LYPD6B: variants seen among roughly 807,000 people sequenced by gnomAD.
The protein encoded by LYPD6B is ly6/PLAUR domain-containing protein 6B.
LYPD6B carries 17 observed loss-of-function variants against 22.8 expected under a neutral mutation model. That is an observed-to-expected ratio of 0.75 (90% CI 0.51 to 1.12). The LOEUF is 1.12. Ranked by LOEUF, LYPD6B falls within the 50% of genes most tolerant of loss-of-function variation. The pLI, the probability that LYPD6B is intolerant of heterozygous loss-of-function variation, is 0.00. For synonymous variants in LYPD6B, 106 were observed against 91.6 expected, an observed-to-expected ratio of 1.16 and a Z score of -0.90; for missense variants, 221 against 258.3, an observed-to-expected ratio of 0.86 and a Z score of 0.99.
chr2:149,171,368 A>G (rs1169818417), intron 3 of LYPD6B, among the ~76,000 whole-genome samples: 1 of 149,648 alleles, frequency 6.7e-6, no homozygotes, highest in African/African-American at 2.4e-5. Context: ...CAAAAAACAA[A>G]TAACATATTT....
intron 1 of LYPD6B, among the ~76,000 whole-genome samples, chr2:149,108,048 G>C (rs961092178): frequency 1.3e-5 from 2 of 152,142 alleles, no homozygotes; most frequent in Non-Finnish European, 2.9e-5. Context: ...CCCATGTGTT[G>C]TGAGAGGGAC....
chr2:149,196,033 C>A (rs183921648), intron 3 of LYPD6B, among the ~76,000 whole-genome samples: 51 of 152,298 alleles, frequency 3.3e-4, no homozygotes, highest in African/African-American at 1.2e-3. Context: ...GGACCATGAA[C>A]CGTATCGTGA....
At chr2:149,100,175 T>C (rs991516605) in intron 1 of LYPD6B, among the ~76,000 whole-genome samples, 2 of 152,040 alleles carry the variant, frequency 1.3e-5, no homozygotes, top group African/African-American at 4.8e-5. Context: ...ATTTTCAAGT[T>C]ATCATCGAAC....
At chr2:149,042,270 T>G (rs1683119123) in intron 1 of LYPD6B, among the ~76,000 whole-genome samples, 1 of 152,356 alleles carries the variant, frequency 6.6e-6, no homozygotes, top group East Asian at 1.9e-4. Context: ...AAATCATGTA[T>G]CCTATTTTCA....
At chr2:149,093,360 A>T (rs1336847626) in intron 1 of LYPD6B, among the ~76,000 whole-genome samples, 1 of 152,192 alleles carries the variant, frequency 6.6e-6, no homozygotes, top group Admixed American at 6.5e-5. Context: ...CCAGGGCAGG[A>T]ATAGGCCCTG....
At chr2:149,193,195 C>T (rs1692604482) in intron 3 of LYPD6B, among the ~76,000 whole-genome samples, 1 of 152,092 alleles carries the variant, frequency 6.6e-6, no homozygotes, top group Non-Finnish European at 1.5e-5. Flanking sequence ...GTCTCTTAGG[C>T]ACTTGTAGTG....
chr2:149,205,227 T>C lies in LYPD6B; in HGVS notation c.78-26T>C, dbSNP rs757003608. ...CCACTGATGTAAAATATAAAGAAAC[T>C]GAACCAGTGTGTCTTTTCACCATAG... On this transcript the variant is annotated intron_variant, in intron 3 of 6. Coordinates refer to ENST00000409642, the MANE Select transcript of LYPD6B (RefSeq NM_177964.5). 2.5e-6 allele frequency: 4 copies of C among 1,581,920 alleles called. No homozygotes were observed. The East Asian group carries it at 9.0e-5, about 36-fold the overall frequency.
At chr2:149,133,108 T>C (rs1688134825) in intron 2 of LYPD6B, among the ~76,000 whole-genome samples, 1 of 152,170 alleles carries the variant, frequency 6.6e-6, no homozygotes, top group Non-Finnish European at 1.5e-5. Flanking sequence ...TCCCACAGAC[T>C]CATATTCAGG....
At chr2:149,119,714 T>C (rs1687188783) in intron 1 of LYPD6B, among the ~76,000 whole-genome samples, 1 of 152,208 alleles carries the variant, frequency 6.6e-6, no homozygotes. Flanking sequence ...AGGATCTCTT[T>C]AAGGAGGAGC....
chr2:149,206,652 G>A (rs947837930), intron 4 of LYPD6B, among the ~76,000 whole-genome samples: 7 of 151,962 alleles, frequency 4.6e-5, no homozygotes, highest in East Asian at 1.9e-4. Flanking sequence ...CCAAAGAGAC[G>A]GAAAACATAT....
At chr2:149,185,332 G>A (rs4667347) in intron 3 of LYPD6B, among the ~76,000 whole-genome samples, 46,827 of 152,154 alleles carry the variant, frequency 0.31, 9,043 homozygotes, top group East Asian at 0.55. Flanking sequence ...CCCACCGGTA[G>A]GAAGCAAGAG....
chr2:149,098,643 A>AAAAAAAAAATAAAG (rs57783804), intron 1 of LYPD6B, among the ~76,000 whole-genome samples: 1 of 130,990 alleles, frequency 7.6e-6, no homozygotes. Flanking sequence ...AAAAAAAAAA[A>AAAAAAAAAATAAAG]AAAAAAGAAA....
At chr2:149,206,557 T>A (rs894097667) in intron 4 of LYPD6B, among the ~76,000 whole-genome samples, 1 of 152,122 alleles carries the variant, frequency 6.6e-6, no homozygotes, top group Non-Finnish European at 1.5e-5. Flanking sequence ...AATTTTGAAA[T>A]TTTTAAGCTT....
intron 1 of LYPD6B, among the ~76,000 whole-genome samples, chr2:149,112,178 T>A (rs568999016): frequency 6.6e-6 from 1 of 152,248 alleles, no homozygotes; most frequent in South Asian, 2.1e-4. Flanking sequence ...TGTAAGGAGA[T>A]GCATGTCTGA....
chr2:149,077,954 A>G (rs530136611), intron 1 of LYPD6B, among the ~76,000 whole-genome samples: 4 of 140,532 alleles, frequency 2.8e-5, no homozygotes, highest in East Asian at 2.0e-4. Flanking sequence ...GTTTTCCTCC[A>G]TGAAGCAACT....
chr2:149,126,850 T>G (rs1349894560), intron 1 of LYPD6B, among the ~76,000 whole-genome samples: 1 of 152,178 alleles, frequency 6.6e-6, no homozygotes, highest in Non-Finnish European at 1.5e-5. Context: ...TGTTCAACCT[T>G]TTTCTTCTGT....
At chr2:149,102,375 ATTCTGACAAC>A (rs1686256029) in intron 1 of LYPD6B, among the ~76,000 whole-genome samples, 1 of 152,196 alleles carries the variant, frequency 6.6e-6, no homozygotes, top group Non-Finnish European at 1.5e-5. Flanking sequence ...GTAATACAGG[ATTCTGACAAC>A]TTCTGCTAAG....
intron 3 of LYPD6B, chr2:149,188,635 A>C: frequency 1.2e-6 from 1 of 835,746 alleles, no homozygotes; most frequent in South Asian, 5.5e-5. Context: ...GTGAAAGTCA[A>C]TAATTTTCCA....
intron 3 of LYPD6B, among the ~76,000 whole-genome samples, chr2:149,161,263 T>C (rs756113456): frequency 6.6e-6 from 1 of 152,172 alleles, no homozygotes; most frequent in Non-Finnish European, 1.5e-5. Flanking sequence ...GCACTAATTA[T>C]TGAGCATTTG....
Sources: allele counts gnomAD v4.1 joint callset (sites outside exome capture counted in the v4.1 genomes callset), GRCh38; gene constraint gnomAD v4.1.1; transcripts MANE v1.5; gene names NCBI Gene and HGNC (gene_info 2026-07-23, HGNC 2026-07-21).